MGAT4C: variants seen among roughly 807,000 people sequenced by gnomAD.
The protein encoded by MGAT4C is alpha-1,3-mannosyl-glycoprotein 4-beta-N-acetylglucosaminyltransferase C.
MGAT4C carries 19 observed loss-of-function variants against 40.1 expected under a neutral mutation model. That is an observed-to-expected ratio of 0.47 (90% confidence interval 0.33 to 0.70). The LOEUF is 0.70. MGAT4C is among the 30% of genes least tolerant of loss of function. The probability of loss-of-function intolerance (pLI) is 0.02; values close to 1 mark genes in which losing one functional copy is unlikely to be tolerated. For synonymous variants in MGAT4C, 181 were observed against 187.1 expected, an observed-to-expected ratio of 0.97 and a Z score of 0.27; for missense variants, 491 against 563.2, an observed-to-expected ratio of 0.87 and a Z score of 1.30.
At position 86,304,665 on chromosome 12, in the gene MGAT4C, T is replaced by C. The variant is rs1008110330; in HGVS notation, c.-57+29400A>G. 2.6e-4 allele frequency among the ~76,000 whole-genome samples: 39 copies of C among 150,750 alleles called. 2 individuals carry two copies. The highest frequency in any genetic ancestry group is 2.9e-5 in the Non-Finnish European group (2 of 68,022). On this transcript the variant is annotated intron_variant, in intron 4 of 7. Coordinates refer to the MGAT4C transcript ENST00000548651. The stretch of plus-strand genomic sequence containing the variant: ...CCCTATGTACCTGTGAAGATGACCT[T>C]ACCTGAAAATAAGTTCTTTGTAGAT...
chr12:86,794,433 A>G (rs1952077472), intron 1 of MGAT4C, among the ~76,000 whole-genome samples: 3 of 151,862 alleles, frequency 2.0e-5, no homozygotes, highest in Admixed American at 1.3e-4. Flanking sequence ...CATTTCCACA[A>G]CAGATTTCAT....
intron 1 of MGAT4C, among the ~76,000 whole-genome samples, chr12:86,074,360 A>AGATT (rs1203919127): frequency 6.6e-6 from 1 of 152,090 alleles, no homozygotes; most frequent in Non-Finnish European, 1.5e-5. Flanking sequence ...ATAGATAGAT[A>AGATT]GATAGATAGA....
chr12:86,197,029 A>C (rs1949840765), intron 1 of MGAT4C, among the ~76,000 whole-genome samples: 1 of 152,186 alleles, frequency 6.6e-6, no homozygotes, highest in Non-Finnish European at 1.5e-5. Context: ...AATAAGGAAA[A>C]ATCCAGCCTC....
rs1010623939 is a variant in MGAT4C, at chr12:85,961,862, T to C, written c.*17427A>G. On this transcript the variant is annotated 3_prime_UTR_variant, in exon 5 of 5. Transcript: ENST00000611864. ...AAGCCGTGGGATTTTATTAGGATTC[T>C]AAGGTTATTCTGTGACGATGGAACT... The C allele has an allele frequency of 6.6e-6, 1 of 151,882 alleles. No individual in the cohort carries two copies. The highest frequency in any genetic ancestry group is 1.5e-5 in the Non-Finnish European group (1 of 67,790). The allele number at this position is 151,882 out of a possible 1,614,324, so 9.4% of individuals were successfully genotyped here.
chr12:86,725,523 C>T (rs571746531), intron 2 of MGAT4C, among the ~76,000 whole-genome samples: 2 of 152,074 alleles, frequency 1.3e-5, no homozygotes, highest in East Asian at 3.9e-4. Flanking sequence ...GTATAGTGGG[C>T]GATCTCGGCT....
At chr12:86,619,590 A>G (rs1435455932) in intron 2 of MGAT4C, among the ~76,000 whole-genome samples, 1 of 152,154 alleles carries the variant, frequency 6.6e-6, no homozygotes, top group Non-Finnish European at 1.5e-5. Flanking sequence ...AATATTCTAT[A>G]CAACAGTAAC....
intron 2 of MGAT4C, among the ~76,000 whole-genome samples, chr12:86,629,893 T>G (rs1211834494): frequency 6.6e-6 from 1 of 151,828 alleles, no homozygotes; most frequent in African/African-American, 2.4e-5. Context: ...AGGCAAGAAA[T>G]AATTAAGATC....
intron 1 of MGAT4C, among the ~76,000 whole-genome samples, chr12:86,765,842 T>G (rs958549370): frequency 1.2e-4 from 18 of 152,186 alleles, no homozygotes; most frequent in African/African-American, 4.3e-4. Flanking sequence ...CCACCAGGCC[T>G]GCCCTAAAAG....
In MGAT4C at chr12:86,156,611, G is replaced by A. The variant is rs185989659; in HGVS notation, c.-57+99628C>T. Among the ~76,000 whole-genome samples, 17 of 152,230 alleles carry A rather than the reference G, an allele frequency of 1.1e-4. No homozygotes were observed. In the East Asian group the frequency reaches 1.5e-3, roughly 14 times the overall value. On this transcript the variant is annotated intron_variant, in intron 1 of 4. Transcript: ENST00000611864. ...GCTGGGAATACAGGTGTGAGCCACCGCGTCCAGCTAAGATTACATTTTTTA... is the reference window on the plus strand; with the variant it reads ...GCTGGGAATACAGGTGTGAGCCACCACGTCCAGCTAAGATTACATTTTTTA...
rs1883538149 is a variant in MGAT4C at position 85,969,899 on chromosome 12, G to T, written c.*9390C>A. On this transcript the variant is annotated 3_prime_UTR_variant, in exon 5 of 5. Coordinates refer to ENST00000611864, the MANE Select transcript of MGAT4C (RefSeq NM_001351288.2). ...GGTTGTTTAATCTATTAAATAGACA[G>T]TGAAATGCACATGAAATCTTCACAC... 1 of 151,456 alleles carries T rather than the reference G, an allele frequency of 6.6e-6. No homozygotes were observed. Among genetic ancestry groups the T allele is most frequent in the South Asian group, 2.1e-4 (1 of 4,830 alleles). 9.4% of individuals were successfully genotyped at this position (151,456 alleles called of 1,614,324 possible).
At chr12:86,190,792 C>A (rs778109151) in intron 1 of MGAT4C, among the ~76,000 whole-genome samples, 1 of 151,972 alleles carries the variant, frequency 6.6e-6, no homozygotes, top group Non-Finnish European at 1.5e-5. Context: ...CTACTTTAAA[C>A]AACTCTACCT....
intron 2 of MGAT4C, among the ~76,000 whole-genome samples, chr12:85,993,606 G>T (rs927529285): frequency 2.0e-5 from 3 of 152,138 alleles, no homozygotes; most frequent in African/African-American, 7.2e-5. Flanking sequence ...GGTCCTAGGG[G>T]GATGAGTTAA....
In MGAT4C at chr12:86,362,723, C is replaced by T. The variant is rs548025583; in HGVS notation, c.-119-28596G>A. Among the ~76,000 whole-genome samples the T allele has an allele frequency of 4.0e-5, 6 of 151,692 alleles. No individual in the cohort carries two copies. In the South Asian group the frequency reaches 8.3e-4, roughly 21 times the overall value. ...CTAAAAATACAAAAAAAAAATTAGC[C>T]GGGCATGGTGGTGGGCACCTGTAGT... On this transcript the variant is annotated intron_variant, in intron 3 of 7. Transcript: ENST00000548651.
At chr12:86,389,358 T>C (rs925216189) in intron 3 of MGAT4C, among the ~76,000 whole-genome samples, 1 of 152,204 alleles carries the variant, frequency 6.6e-6, no homozygotes, top group Non-Finnish European at 1.5e-5. Flanking sequence ...TTCATGTCCC[T>C]GGAAAGGACA....
At chr12:86,407,597 C>T (rs2136241904) in intron 3 of MGAT4C, among the ~76,000 whole-genome samples, 1 of 152,088 alleles carries the variant, frequency 6.6e-6, no homozygotes, top group Admixed American at 6.5e-5. Context: ...GTGGAGGTTA[C>T]TGGAGTAGAA....
At chr12:86,685,684 G>T (rs1250078550) in intron 2 of MGAT4C, among the ~76,000 whole-genome samples, 1 of 152,036 alleles carries the variant, frequency 6.6e-6, no homozygotes, top group Non-Finnish European at 1.5e-5. Flanking sequence ...TTTTCCATTT[G>T]TTTGTGCCCT....
chr12:86,183,026 T>A (rs1408329488), intron 1 of MGAT4C, among the ~76,000 whole-genome samples: 1 of 152,144 alleles, frequency 6.6e-6, no homozygotes, highest in African/African-American at 2.4e-5. Flanking sequence ...GACAGTACTA[T>A]AAAAAACTGT....
At position 86,444,033 on chromosome 12, in the gene MGAT4C, A is replaced by C. The variant is rs570472602; in HGVS notation, c.-228-8768T>G. Among the ~76,000 whole-genome samples, 176 of 152,346 alleles carry C rather than the reference A, an allele frequency of 1.2e-3. 2 individuals are homozygous for C. The highest frequency in any genetic ancestry group is 4.0e-3 in the African/African-American group (168 of 41,584). On this transcript the variant is annotated intron_variant, in intron 2 of 7. Transcript: ENST00000548651. Reference sequence around the variant, plus strand: ...TTAATATTTTTATGCTTTCAAAAATAAACCCCTCTACTACTTCATTTGTCT... The same window carrying C: ...TTAATATTTTTATGCTTTCAAAAATCAACCCCTCTACTACTTCATTTGTCT...
chr12:86,662,796 T>C (rs1024802515), intron 2 of MGAT4C, among the ~76,000 whole-genome samples: 1 of 152,196 alleles, frequency 6.6e-6, no homozygotes, highest in Non-Finnish European at 1.5e-5. Context: ...CATAAACTAA[T>C]TTGATCACTA....
Sources: gnomAD v4.1 joint callset for allele counts (sites outside exome capture counted in the v4.1 genomes callset) on GRCh38, gnomAD v4.1.1 for gene constraint, MANE v1.5 for transcripts, NCBI Gene and HGNC (gene_info 2026-07-23, HGNC 2026-07-21) for gene names.